SRD5A2: variants seen among roughly 807,000 people sequenced by gnomAD.
SRD5A2 encodes the protein 3-oxo-5-alpha-steroid 4-dehydrogenase 2.
Under a neutral mutation model 27.4 loss-of-function variants are expected in SRD5A2, and 30 were observed. That is an observed-to-expected ratio of 1.10 (90% CI 0.82 to 1.49). The LOEUF (loss-of-function observed/expected upper bound fraction) is 1.49, where lower values mean the gene tolerates loss of function less well. Among genes scored for constraint, SRD5A2 ranks in the 40% most tolerant of loss-of-function variants. The pLI is 0.00. For synonymous variants in SRD5A2, 141 were observed against 133.6 expected (o/e 1.06, Z -0.38); for missense variants, 348 against 323.4 (o/e 1.08, Z -0.58).
At chr2:31,600,451 C>G in the SRD5A2 span, among the ~76,000 whole-genome samples, 1 of 151,988 alleles carries the variant, frequency 6.6e-6, no homozygotes, top group Non-Finnish European at 1.5e-5. Flanking sequence ...ACATTCCCAT[C>G]ATCATTGTAA....
rs537174961 is a variant in SRD5A2 at position 31,543,688 on chromosome 2, T to C, written c.282-9922A>G. Among the ~76,000 whole-genome samples, 8 of 152,286 alleles carry C rather than the reference T, an allele frequency of 5.3e-5. No individual in the cohort carries two copies. The South Asian group carries it at 8.3e-4, about 16-fold the overall frequency. The stretch of plus-strand genomic sequence containing the variant: ...ATGTTATTGAAATTAAGCTGGTTTA[T>C]AAGTTAGAATGTTATAAATTTAGGA... On this transcript the variant is annotated intron_variant, in intron 1 of 4. Coordinates refer to ENST00000622030, the MANE Select transcript of SRD5A2 (RefSeq NM_000348.4).
chr2:31,616,006 C>T, the SRD5A2 span, among the ~76,000 whole-genome samples: 1 of 151,776 alleles, frequency 6.6e-6, no homozygotes, highest in Non-Finnish European at 1.5e-5. Context: ...TGCCAGTGCA[C>T]AGAAGTCAAG....
intron 1 of SRD5A2, among the ~76,000 whole-genome samples, chr2:31,547,742 T>C (rs928543963): frequency 6.6e-6 from 1 of 152,190 alleles, no homozygotes; most frequent in Non-Finnish European, 1.5e-5. Flanking sequence ...TGAGCCATGC[T>C]ACCAGCTTCC....
At chr2:31,652,599 T>C in the SRD5A2 span, among the ~76,000 whole-genome samples, 1 of 152,090 alleles carries the variant, frequency 6.6e-6, no homozygotes, top group Non-Finnish European at 1.5e-5. Context: ...GAAAACAAAT[T>C]ATTGAAATCA....
chr2:31,642,926 T>G, the SRD5A2 span, among the ~76,000 whole-genome samples: 6 of 151,986 alleles, frequency 3.9e-5, no homozygotes, highest in African/African-American at 1.2e-4. Context: ...TGCAAAAAAG[T>G]ATATATTCAG....
chr2:31,556,905 C>T (rs764118616), intron 1 of SRD5A2, among the ~76,000 whole-genome samples: 4 of 152,224 alleles, frequency 2.6e-5, no homozygotes, highest in South Asian at 2.1e-4. Flanking sequence ...TTATATATTG[C>T]GTACTATGTT....
chr2:31,632,148 CA>C, the SRD5A2 span, among the ~76,000 whole-genome samples: 1 of 151,642 alleles, frequency 6.6e-6, no homozygotes, highest in Non-Finnish European at 1.5e-5. Flanking sequence ...AGGTCCAGAG[CA>C]AAACTTAGAA....
At chr2:31,575,790 C>A (rs1307065162) in intron 1 of SRD5A2, among the ~76,000 whole-genome samples, 1 of 152,066 alleles carries the variant, frequency 6.6e-6, no homozygotes, top group Non-Finnish European at 1.5e-5. Flanking sequence ...CACTTCTTCT[C>A]TGGAAAAAAA....
At chr2:31,551,831 G>A (rs767710659) in intron 1 of SRD5A2, among the ~76,000 whole-genome samples, 3 of 152,130 alleles carry the variant, frequency 2.0e-5, no homozygotes, top group Non-Finnish European at 4.4e-5. Context: ...TGTGCTGTTG[G>A]TGGTGGGATA....
chr2:31,640,724 T>G, the SRD5A2 span, among the ~76,000 whole-genome samples: 3 of 152,112 alleles, frequency 2.0e-5, no homozygotes, highest in Non-Finnish European at 4.4e-5. Flanking sequence ...CCACTCTGAT[T>G]TGGTGTCTCC....
chr2:31,532,818 G>A (rs968552280), intron 2 of SRD5A2, among the ~76,000 whole-genome samples: 27 of 152,092 alleles, frequency 1.8e-4, no homozygotes, highest in African/African-American at 6.5e-4. Flanking sequence ...GGAGGGAAGG[G>A]GGACAGCACA....
At chr2:31,642,784 T>C in the SRD5A2 span, among the ~76,000 whole-genome samples, 3 of 152,040 alleles carry the variant, frequency 2.0e-5, no homozygotes, top group African/African-American at 7.2e-5. Flanking sequence ...AAGAGGAGAA[T>C]AGACTCCAAA....
intron 1 of SRD5A2, among the ~76,000 whole-genome samples, chr2:31,538,325 T>C (rs539152857): frequency 2.8e-4 from 43 of 152,206 alleles, no homozygotes; most frequent in African/African-American, 1.0e-3. Context: ...CTCTCTCTCA[T>C]TCTCTCACAC....
chr2:31,540,655 C>G (rs1666111669), intron 1 of SRD5A2, among the ~76,000 whole-genome samples: 1 of 152,188 alleles, frequency 6.6e-6, no homozygotes, highest in African/African-American at 2.4e-5. Flanking sequence ...AATCTGGAGT[C>G]TATTGAAGGC....
chr2:31,593,011 C>T, the SRD5A2 span, among the ~76,000 whole-genome samples: 2 of 151,384 alleles, frequency 1.3e-5, no homozygotes, highest in Admixed American at 1.3e-4. Context: ...ATCGCAAGGA[C>T]AAAAAACCAA....
the SRD5A2 span, among the ~76,000 whole-genome samples, chr2:31,632,311 C>A: frequency 1.3e-5 from 2 of 152,112 alleles, no homozygotes; most frequent in Non-Finnish European, 2.9e-5. Context: ...AAAGCCTGGG[C>A]AAATTGAATG....
chr2:31,643,852 A>G, the SRD5A2 span, among the ~76,000 whole-genome samples: 96 of 152,348 alleles, frequency 6.3e-4, no homozygotes, highest in African/African-American at 2.2e-3. Context: ...TCAACAGTCA[A>G]TAAATGGGGA....
upstream of SRD5A2, among the ~76,000 whole-genome samples, chr2:31,581,864 C>G (rs1448900675): frequency 6.6e-6 from 1 of 152,216 alleles, no homozygotes; most frequent in South Asian, 2.1e-4. Context: ...CCGTCATACA[C>G]GCAGACGCGG....
At chr2:31,661,043 C>A in the SRD5A2 span, among the ~76,000 whole-genome samples, 1 of 152,092 alleles carries the variant, frequency 6.6e-6, no homozygotes, top group Admixed American at 6.6e-5. Flanking sequence ...AGTCTAGCCA[C>A]CTGTTAACTA....
Sources: gnomAD v4.1 joint callset for allele counts (sites outside exome capture counted in the v4.1 genomes callset) on GRCh38, gnomAD v4.1.1 for gene constraint, MANE v1.5 for transcripts, NCBI Gene and HGNC (gene_info 2026-07-23, HGNC 2026-07-21) for gene names.